Variants in TENM2 observed in about 807,000 individuals in gnomAD.
TENM2 encodes the protein teneurin transmembrane protein 2.
In TENM2, 52 loss-of-function variants were observed where a neutral mutation model predicts 245.2. That is an observed-to-expected ratio of 0.21 (90% confidence interval 0.17 to 0.27). The LOEUF (loss-of-function observed/expected upper bound fraction) is 0.27. TENM2 is among the 10% of genes least tolerant of loss of function. TENM2 has a pLI of 1.00. For missense variants in TENM2, 3,046 were observed against 3,666.8 expected (o/e 0.83, Z 4.37); for synonymous variants, 1,363 against 1,438.9 (o/e 0.95, Z 1.19).
intron 2 of TENM2, among the ~76,000 whole-genome samples, chr5:167,722,134 G>T (rs1401274649): frequency 1.3e-5 from 2 of 152,140 alleles, no homozygotes; most frequent in Non-Finnish European, 2.9e-5. Flanking sequence ...AGCCTGCATG[G>T]CTCACTTAGA....
At chr5:167,725,024 G>C (rs1759895371) in intron 2 of TENM2, among the ~76,000 whole-genome samples, 1 of 152,012 alleles carries the variant, frequency 6.6e-6, no homozygotes, top group Non-Finnish European at 1.5e-5. Context: ...ATTAGAAGAA[G>C]GATTATATTT....
chr5:167,706,712 A>G (rs1211809053), intron 2 of TENM2, among the ~76,000 whole-genome samples: 2 of 152,000 alleles, frequency 1.3e-5, no homozygotes, highest in Admixed American at 6.5e-5. Context: ...TATTCCCATC[A>G]ATAGTGTTAA....
intron 10 of TENM2, among the ~76,000 whole-genome samples, chr5:168,123,465 A>G (rs554370619): frequency 1.3e-5 from 2 of 152,370 alleles, no homozygotes; most frequent in African/African-American, 4.8e-5. Context: ...GAAGTCTTAC[A>G]TATTTCAATC....
intron 2 of TENM2, among the ~76,000 whole-genome samples, chr5:167,589,060 G>C (rs758003852): frequency 3.7e-4 from 56 of 152,004 alleles, no homozygotes; most frequent in Non-Finnish European, 6.3e-4. Flanking sequence ...AAATTAGCTG[G>C]GTCTATTGGC....
At position 167,727,041 on chromosome 5, in the gene TENM2, A is replaced by C. The variant is rs542792330; in HGVS notation, c.503-148945A>C. ...TGTTTTAAATTTTAAATGGTTACCA[A>C]AATGAAGCCTCCAACTCTACTCAAA... On this transcript the variant is annotated intron_variant, in intron 2 of 28. Coordinates refer to ENST00000518659, the Ensembl canonical transcript of TENM2. 3.9e-5 allele frequency among the ~76,000 whole-genome samples: 6 copies of C among 152,222 alleles called. No individual in the cohort carries two copies. The South Asian group carries it at 1.2e-3, about 32-fold the overall frequency.
chr5:167,337,540 G>A (rs1217743250), intron 1 of TENM2, among the ~76,000 whole-genome samples: 3 of 152,196 alleles, frequency 2.0e-5, no homozygotes, highest in African/African-American at 7.2e-5. Context: ...AATGATTTGG[G>A]AATGTAAAGG....
chr5:167,854,806 T>G (rs987724876), intron 2 of TENM2, among the ~76,000 whole-genome samples: 1 of 152,180 alleles, frequency 6.6e-6, no homozygotes, highest in Admixed American at 6.5e-5. Flanking sequence ...AAACCCACAT[T>G]AACCCATCAG....
At position 167,460,239 on chromosome 5, in the gene TENM2, A is replaced by G. The variant is rs554914179; in HGVS notation, c.502+84766A>G. Among the ~76,000 whole-genome samples the G allele has an allele frequency of 1.1e-4, 17 of 152,270 alleles. No homozygotes were observed. In the South Asian group the frequency reaches 3.5e-3, roughly 32 times the overall value. On this transcript the variant is annotated intron_variant, in intron 2 of 28. Coordinates refer to ENST00000518659, the Ensembl canonical transcript of TENM2. Reference sequence around the variant, plus strand: ...TCCAATCTCTAAAGCGCATCATCCAATGTTTGTAATACATTATGTTTATGA... The same window carrying G: ...TCCAATCTCTAAAGCGCATCATCCAGTGTTTGTAATACATTATGTTTATGA...
At chr5:166,984,736 A>C in the TENM2 span, among the ~76,000 whole-genome samples, 2 of 152,166 alleles carry the variant, frequency 1.3e-5, no homozygotes, top group Non-Finnish European at 2.9e-5. Flanking sequence ...AACAGTAAAT[A>C]TCTACATAGT....
At chr5:167,370,874 G>A (rs1561901697) in intron 1 of TENM2, among the ~76,000 whole-genome samples, 1 of 152,196 alleles carries the variant, frequency 6.6e-6, no homozygotes, top group Admixed American at 6.5e-5. Flanking sequence ...CACACAATGA[G>A]TAGTTTCTCT....
At chr5:167,038,713 T>A in the TENM2 span, among the ~76,000 whole-genome samples, 1 of 152,216 alleles carries the variant, frequency 6.6e-6, no homozygotes, top group Non-Finnish European at 1.5e-5. Context: ...TTTCACCTTA[T>A]ACCTGTGTAA....
intron 7 of TENM2, among the ~76,000 whole-genome samples, chr5:168,088,044 G>T (rs1207800555): frequency 1.3e-5 from 2 of 152,154 alleles, no homozygotes; most frequent in African/African-American, 4.8e-5. Flanking sequence ...GCTGGACGGT[G>T]AGCACTGCCA....
chr5:167,445,369 A>AGAGAGAGAGAGAGTGAGAGAGT lies in TENM2; in HGVS notation c.502+69897_502+69898insAGAGAGAGAGAGTGAGAGAGTG, dbSNP rs35699708. Among the ~76,000 whole-genome samples the AGAGAGAGAGAGAGTGAGAGAGT allele has an allele frequency of 5.1e-5, 5 of 98,598 alleles. No individual in the cohort carries two copies. The East Asian group carries it at 2.0e-3, about 40-fold the overall frequency. The allele number at this position is 98,598 out of a possible 152,430, so 64.7% of individuals were successfully genotyped here. ...GAGAGAGAGAGAGAGAGAGAGAGAG[A>AGAGAGAGAGAGAGTGAGAGAGT]GTGTCAGGTGTTGTCTTGTTGTTGG... On this transcript the variant is annotated intron_variant, in intron 2 of 28. Transcript: ENST00000518659.
intron 2 of TENM2, among the ~76,000 whole-genome samples, chr5:167,697,187 T>A (rs1561681938): frequency 6.6e-6 from 1 of 152,188 alleles, no homozygotes. Flanking sequence ...AAAACCCCTG[T>A]CTGCCTGAGA....
chr5:167,256,945 G>T, the TENM2 span, among the ~76,000 whole-genome samples: 1 of 152,030 alleles, frequency 6.6e-6, no homozygotes, highest in Non-Finnish European at 1.5e-5. Flanking sequence ...AGTTAAGGGA[G>T]TTTGCTGAAT....
exon 7 of TENM2, chr5:168,062,113 C>A (rs752898554): frequency 1.2e-6 from 2 of 1,611,824 alleles, no homozygotes; most frequent in Non-Finnish European, 1.7e-6. Context: ...AGAAGTTGGT[C>A]GGCGGGTAAC....
chr5:167,101,849 T>TTATATATATATATATATATATATATATA, the TENM2 span, among the ~76,000 whole-genome samples: 35 of 69,410 alleles, frequency 5.0e-4, 1 homozygote, highest in East Asian at 1.3e-3. Flanking sequence ...ATATATATAT[T>TTATATATATATATATATATATATATATA]TATATATATA....
intron 5 of TENM2, among the ~76,000 whole-genome samples, chr5:168,036,186 A>G (rs1434295982): frequency 6.6e-6 from 1 of 152,136 alleles, no homozygotes; most frequent in Admixed American, 6.5e-5. Context: ...GGGGACACAT[A>G]ATGACCATGT....
At chr5:167,740,881 T>C (rs1761133148) in intron 2 of TENM2, among the ~76,000 whole-genome samples, 1 of 152,200 alleles carries the variant, frequency 6.6e-6, no homozygotes, top group Admixed American at 6.5e-5. Flanking sequence ...TTCCTCCCGC[T>C]ACTGGGCTCC....
Sources: allele counts gnomAD v4.1 joint callset (sites outside exome capture counted in the v4.1 genomes callset), GRCh38; gene constraint gnomAD v4.1.1; transcripts MANE v1.5; gene names NCBI Gene and HGNC (gene_info 2026-07-23, HGNC 2026-07-21).